Variants in TPRX2 observed in about 807,000 individuals in gnomAD.
TPRX2 encodes the protein tetrapeptide repeat homeobox 2, also known as tetrapeptide repeat homeobox protein 2.
chr19:47,860,011 C>G, the TPRX2 span: 1 of 1,037,044 alleles, frequency 9.6e-7, no homozygotes. Context: ...GCCGCCCCAG[C>G]CCACACTGCC....
chr19:47,860,765 T>G, the TPRX2 span: 1 of 1,522,464 alleles, frequency 6.6e-7, no homozygotes, highest in Non-Finnish European at 8.8e-7. Context: ...CGCGAGTCCC[T>G]CCTTCACACC....
the TPRX2 span, chr19:47,860,801 G>C: frequency 2.9e-5 from 45 of 1,542,308 alleles, no homozygotes; most frequent in Non-Finnish European, 3.6e-5. Flanking sequence ...CTGCCCCCCA[G>C]GTGTGGTTCA....
chr19:47,860,990 C>A, the TPRX2 span: 4 of 1,213,154 alleles, frequency 3.3e-6, no homozygotes, highest in South Asian at 2.6e-5. Flanking sequence ...CTCAGCCGGG[C>A]CCCTGGGGAG....
At chr19:47,860,946 G>A in the TPRX2 span, 1 of 1,474,158 alleles carries the variant, frequency 6.8e-7, no homozygotes, top group Non-Finnish European at 9.2e-7. Context: ...TGGGGGTCCT[G>A]AGTTCCCGCA....
the TPRX2 span, among the ~76,000 whole-genome samples, chr19:47,860,537 G>T: frequency 6.6e-6 from 1 of 151,548 alleles, no homozygotes; most frequent in Non-Finnish European, 1.5e-5. Context: ...AGAACCCGCG[G>T]TCCCTCCCCT....
At chr19:47,860,675 C>G in the TPRX2 span, 63 of 1,119,842 alleles carry the variant, frequency 5.6e-5, no homozygotes, top group Non-Finnish European at 7.3e-5. Context: ...CGGGGGCCCT[C>G]ATATGGTGGG....
chr19:47,860,799 C>G, the TPRX2 span: 20 of 1,542,158 alleles, frequency 1.3e-5, no homozygotes, highest in Non-Finnish European at 1.7e-5. Flanking sequence ...CTCTGCCCCC[C>G]AGGTGTGGTT....
the TPRX2 span, chr19:47,860,906 C>T: frequency 4.4e-5 from 67 of 1,530,914 alleles, no homozygotes; most frequent in Non-Finnish European, 5.8e-5. Context: ...GCGCTGCGCC[C>T]CTAGTCCCTG....
At chr19:47,861,545 A>G in the TPRX2 span, 1 of 1,181,282 alleles carries the variant, frequency 8.5e-7, no homozygotes, top group African/African-American at 1.7e-5. Context: ...TTCAGATCCC[A>G]GAGGGCCTGG....
At chr19:47,860,792 T>C in the TPRX2 span, 2 of 1,540,216 alleles carry the variant, frequency 1.3e-6, no homozygotes, top group Non-Finnish European at 1.7e-6. Flanking sequence ...CTGTCCCCTC[T>C]GCCCCCCAGG....
chr19:47,860,459 TC>T, the TPRX2 span, among the ~76,000 whole-genome samples: 1 of 150,116 alleles, frequency 6.7e-6, no homozygotes, highest in East Asian at 2.0e-4. Context: ...TAGCCCAAAC[TC>T]GCCCACATGA....
the TPRX2 span, chr19:47,861,251 C>T: frequency 1.9e-6 from 1 of 535,128 alleles, no homozygotes; most frequent in Non-Finnish European, 3.6e-6. Flanking sequence ...CAGGCCCAAT[C>T]CCAGACCCAG....
At chr19:47,861,513 G>A in the TPRX2 span, 86 of 1,324,624 alleles carry the variant, frequency 6.5e-5, no homozygotes, top group Non-Finnish European at 8.2e-5. Context: ...GGATTTATAG[G>A]GGGCCTGTGC....
chr19:47,860,822 C>G, the TPRX2 span: 55 of 1,539,168 alleles, frequency 3.6e-5, no homozygotes, highest in Non-Finnish European at 4.4e-5. Flanking sequence ...AGAATCGCCG[C>G]GCCAAACTAG....
chr19:47,861,458 G>C, the TPRX2 span: 2 of 911,040 alleles, frequency 2.2e-6, no homozygotes, highest in South Asian at 1.3e-5. Flanking sequence ...ACAAAGAGGA[G>C]GATGGCTTCG....
At chr19:47,859,795 T>A in the TPRX2 span, among the ~76,000 whole-genome samples, 1 of 150,614 alleles carries the variant, frequency 6.6e-6, no homozygotes, top group Non-Finnish European at 1.5e-5. Context: ...CCTGCAAGTG[T>A]CAGGGTCCCT....
chr19:47,860,230 A>AC, the TPRX2 span: 1 of 1,495,572 alleles, frequency 6.7e-7, no homozygotes, highest in Non-Finnish European at 9.1e-7. Flanking sequence ...CCGAACTACG[A>AC]CCAGCGACTG....
At chr19:47,861,051 G>T in the TPRX2 span, 1 of 806,150 alleles carries the variant, frequency 1.2e-6, no homozygotes. Context: ...GACCTGGGGT[G>T]GCCCTGAGTG....
the TPRX2 span, chr19:47,860,907 C>A: frequency 6.5e-7 from 1 of 1,530,932 alleles, no homozygotes; most frequent in Non-Finnish European, 8.8e-7. Flanking sequence ...CGCTGCGCCC[C>A]TAGTCCCTGT....
Sources: allele counts gnomAD v4.1 joint callset (sites outside exome capture counted in the v4.1 genomes callset), GRCh38; gene constraint gnomAD v4.1.1; transcripts MANE v1.5; gene names NCBI Gene and HGNC (gene_info 2026-07-23, HGNC 2026-07-21).